The following KCNN3 variants were observed in gnomAD, a reference collection of about 807,000 sequenced individuals.
The protein encoded by KCNN3 is potassium calcium-activated channel subfamily N member 3, also known as small conductance calcium-activated potassium channel protein 3.
In KCNN3, 16 loss-of-function variants were observed where a neutral mutation model predicts 62.9. The observed-to-expected ratio is 0.25, with a 90% CI of 0.17 to 0.39. The LOEUF is 0.39. KCNN3 is among the 10% of genes least tolerant of loss of function. The pLI, the probability that KCNN3 is intolerant of heterozygous loss-of-function variation, is 1.00. For missense variants in KCNN3, 599 were observed against 949.4 expected, an observed-to-expected ratio of 0.63 and a Z score of 4.85; for synonymous variants, 370 against 389.2, an observed-to-expected ratio of 0.95 and a Z score of 0.58.
intron 3 of KCNN3, among the ~76,000 whole-genome samples, chr1:154,762,289 C>A (rs1489727929): frequency 6.6e-6 from 1 of 152,098 alleles, no homozygotes; most frequent in African/African-American, 2.4e-5. Context: ...CAACCCCATG[C>A]CCGCCCACCG....
At chr1:154,714,612 GGT>G (rs200006853) in intron 6 of KCNN3, among the ~76,000 whole-genome samples, 2,502 of 24,834 alleles carry the variant, frequency 0.1, 107 homozygotes, top group Non-Finnish European at 0.11. Context: ...TGTGGTGTGT[GGT>G]GTGTGTGTGT....
intron 3 of KCNN3, among the ~76,000 whole-genome samples, chr1:154,741,664 T>C (rs1700824061): frequency 6.6e-6 from 1 of 151,518 alleles, no homozygotes; most frequent in South Asian, 2.1e-4. Context: ...TGCCTCTTCT[T>C]CCTTATTCTC....
At chr1:154,758,744 A>G (rs757025512) in intron 3 of KCNN3, among the ~76,000 whole-genome samples, 2 of 152,206 alleles carry the variant, frequency 1.3e-5, no homozygotes, top group Non-Finnish European at 2.9e-5. Context: ...GACTGGGGCC[A>G]AGTCTCAGGG....
At chr1:154,810,821 G>A (rs1437373609) in intron 2 of KCNN3, among the ~76,000 whole-genome samples, 1 of 152,216 alleles carries the variant, frequency 6.6e-6, no homozygotes, top group African/African-American at 2.4e-5. Context: ...AGCCATTGTA[G>A]GAACCAGGGG....
chr1:154,733,235 T>A, intron 3 of KCNN3, 91 bp from the exon 4 acceptor site: 2 of 1,340,844 alleles, frequency 1.5e-6, no homozygotes, highest in Non-Finnish European at 2.1e-6. Flanking sequence ...GGAAATGAGA[T>A]ATTTTGCTGA....
intron 5 of KCNN3, among the ~76,000 whole-genome samples, chr1:154,720,075 C>G (rs912710604): frequency 6.6e-6 from 1 of 152,328 alleles, no homozygotes; most frequent in East Asian, 1.9e-4. Context: ...GCTGGCTTTT[C>G]TTTTCAGCAG....
chr1:154,799,044 G>T (rs183369471), intron 2 of KCNN3, among the ~76,000 whole-genome samples: 7 of 151,878 alleles, frequency 4.6e-5, no homozygotes, highest in Non-Finnish European at 7.4e-5. Context: ...AGCCTCCCAA[G>T]TAGCTGGGTT....
intron 3 of KCNN3, among the ~76,000 whole-genome samples, chr1:154,769,618 T>C (rs1319264493): frequency 6.6e-6 from 1 of 152,226 alleles, no homozygotes; most frequent in African/African-American, 2.4e-5. Context: ...TTCAATAAAC[T>C]ACGAAACTCA....
At chr1:154,859,142 A>G (rs1359728251) in intron 1 of KCNN3, among the ~76,000 whole-genome samples, 43 of 152,134 alleles carry the variant, frequency 2.8e-4, no homozygotes, top group Admixed American at 2.8e-3. Flanking sequence ...AGGTAACATC[A>G]CCCATGCAGG....
At chr1:154,804,076 T>C (rs1650063196) in intron 2 of KCNN3, among the ~76,000 whole-genome samples, 1 of 152,178 alleles carries the variant, frequency 6.6e-6, no homozygotes, top group Non-Finnish European at 1.5e-5. Flanking sequence ...CCCTCTGCAG[T>C]GGACTCCAGC....
intron 3 of KCNN3, among the ~76,000 whole-genome samples, chr1:154,736,369 T>C (rs960313209): frequency 6.6e-6 from 1 of 152,216 alleles, no homozygotes; most frequent in Non-Finnish European, 1.5e-5. Flanking sequence ...TGGTGAGGCA[T>C]TCATGAAGAT....
chr1:154,771,070 A>G lies in KCNN3; in HGVS notation c.1448+905T>C, dbSNP rs898064303. On this transcript the variant is annotated intron_variant, in intron 3 of 7. Coordinates refer to ENST00000271915, the MANE Select transcript of KCNN3 (RefSeq NM_002249.6). ...AGACTCCATCTCAGATAAATAAATA[A>G]ATAAATAAATAAATAAATAAATAAA... Among the ~76,000 whole-genome samples, 217 of 90,670 alleles carry G rather than the reference A, an allele frequency of 2.4e-3. 4 individuals carry two copies. The highest frequency in any genetic ancestry group is 7.7e-3 in the African/African-American group (210 of 27,370). The allele number at this position is 90,670 out of a possible 152,430, so 59.5% of individuals were successfully genotyped here. A position where few individuals can be genotyped will look rare whatever the true frequency, so the allele number is the denominator to read the frequency against.
At chr1:154,830,955 A>G (rs957851998) in intron 1 of KCNN3, among the ~76,000 whole-genome samples, 2 of 152,208 alleles carry the variant, frequency 1.3e-5, no homozygotes, top group Non-Finnish European at 2.9e-5. Flanking sequence ...TTTCCTTTAT[A>G]AGGTCTGGGC....
At chr1:154,755,696 GAGAAGA>G (rs1298838422) in intron 3 of KCNN3, among the ~76,000 whole-genome samples, 50 of 150,522 alleles carry the variant, frequency 3.3e-4, no homozygotes, top group Non-Finnish European at 6.5e-4. Context: ...AAGGAGAAGG[GAGAAGA>G]AGAAGAGGAA....
chr1:154,859,673 G>C, intron 1 of KCNN3: 1 of 1,612,840 alleles, frequency 6.2e-7, no homozygotes, highest in Non-Finnish European at 8.5e-7. Flanking sequence ...TACCTACTGG[G>C]TAACCTGGGC....
At chr1:154,748,580 G>A (rs540250881) in intron 3 of KCNN3, among the ~76,000 whole-genome samples, 8 of 152,268 alleles carry the variant, frequency 5.3e-5, no homozygotes, top group African/African-American at 1.9e-4. Context: ...TGCCAATCAC[G>A]TGCCATGTGG....
chr1:154,733,629 G>T (rs1205716824), intron 3 of KCNN3, among the ~76,000 whole-genome samples: 3 of 152,184 alleles, frequency 2.0e-5, no homozygotes, highest in East Asian at 1.9e-4. Context: ...CATCTCCCGG[G>T]GGTCTGGAGG....
chr1:154,749,953 A>G (rs554154193), intron 3 of KCNN3, among the ~76,000 whole-genome samples: 1 of 152,194 alleles, frequency 6.6e-6, no homozygotes, highest in Non-Finnish European at 1.5e-5. Flanking sequence ...CTACGCAGAA[A>G]GGCACATTTC....
At chr1:154,853,566 C>T (rs1652390616) in intron 1 of KCNN3, among the ~76,000 whole-genome samples, 1 of 152,206 alleles carries the variant, frequency 6.6e-6, no homozygotes, top group Non-Finnish European at 1.5e-5. Context: ...CTCCTGAGCT[C>T]AAGCGATCCT....
Sources: allele counts gnomAD v4.1 joint callset (sites outside exome capture counted in the v4.1 genomes callset), GRCh38; gene constraint gnomAD v4.1.1; transcripts MANE v1.5; gene names NCBI Gene and HGNC (gene_info 2026-07-23, HGNC 2026-07-21).